The following CENPK variants were observed in gnomAD, a reference collection of about 807,000 sequenced individuals.
CENPK encodes SoxLZ/Sox6-binding protein Solt.
Under a neutral mutation model 40.9 loss-of-function variants are expected in CENPK, and 46 were observed. That is an observed-to-expected ratio of 1.13 (90% CI 0.89 to 1.44). The LOEUF is 1.44. CENPK is among the 40% of genes most tolerant of loss of function. The pLI is 0.00. For missense variants in CENPK, 288 were observed against 303.5 expected (o/e 0.95, Z 0.38); for synonymous variants, 107 against 104.4 (o/e 1.02, Z -0.15).
intron 2 of CENPK, among the ~76,000 whole-genome samples, chr5:65,557,787 C>T (rs1751241755): frequency 6.6e-6 from 1 of 152,094 alleles, no homozygotes; most frequent in African/African-American, 2.4e-5. Context: ...TTTATCACAA[C>T]AATTTTCTTG....
intron 6 of CENPK, among the ~76,000 whole-genome samples, chr5:65,531,369 C>T (rs1197553114): frequency 6.7e-6 from 1 of 149,404 alleles, no homozygotes; most frequent in Non-Finnish European, 1.5e-5. Context: ...ATTATTATAA[C>T]TGAATAGAAA....
intron 6 of CENPK, 45 bp downstream of exon 6, chr5:65,542,757 G>A (rs6891597): frequency 0.38 from 546,653 of 1,426,214 alleles, 108,023 homozygotes; most frequent in East Asian, 0.65. Context: ...AATAGATCTA[G>A]TTAGAAATTA....
At chr5:65,541,105 G>C (rs980566181) in intron 6 of CENPK, among the ~76,000 whole-genome samples, 2 of 152,272 alleles carry the variant, frequency 1.3e-5, no homozygotes, top group East Asian at 3.9e-4. Context: ...TTACAGGTGT[G>C]AGCCACCATG....
chr5:65,512,337 T>A, the CENPK span, among the ~76,000 whole-genome samples: 1 of 152,328 alleles, frequency 6.6e-6, no homozygotes, highest in East Asian at 1.9e-4. Flanking sequence ...CTACTGTGGG[T>A]AGAAACCTAT....
chr5:65,561,506 G>A lies in CENPK; in HGVS notation c.-83C>T, dbSNP rs1173365559. 1.3e-5 allele frequency: 6 copies of A among 455,620 alleles called. No individual in the cohort carries two copies. The highest frequency in any genetic ancestry group is 2.6e-5 in the Non-Finnish European group (6 of 226,702). 28.2% of individuals were successfully genotyped at this position (455,620 alleles called of 1,614,324 possible). On this transcript the variant is annotated 5_prime_UTR_variant, in exon 2 of 11. Transcript: ENST00000396679. ...GTAAGCTGTATGTAACCTGGAAGAG[G>A]GTCATCAACAGAACCAGAAAATGAT... is the stretch of plus-strand genomic sequence containing the variant.
downstream of CENPK, among the ~76,000 whole-genome samples, chr5:65,514,944 T>C (rs949677385): frequency 5.1e-5 from 7 of 138,016 alleles, no homozygotes; most frequent in East Asian, 2.5e-4. Context: ...GTAATTTTTG[T>C]TTTTTCTTTT....
At chr5:65,502,881 C>T in the CENPK span, among the ~76,000 whole-genome samples, 125 of 152,162 alleles carry the variant, frequency 8.2e-4, no homozygotes, top group African/African-American at 2.4e-3. Flanking sequence ...GCTCGGCTCA[C>T]GGCAACCTCC....
At chr5:65,543,010 G>A (rs1748248609) in intron 5 of CENPK, among the ~76,000 whole-genome samples, 162 bp from the exon 6 acceptor site, 1 of 151,914 alleles carries the variant, frequency 6.6e-6, no homozygotes, top group African/African-American at 2.4e-5. Flanking sequence ...TGTCACCCAG[G>A]CTGCAGTGCA....
At chr5:65,544,081 C>A (rs1748469689) in intron 5 of CENPK, among the ~76,000 whole-genome samples, 1 of 152,120 alleles carries the variant, frequency 6.6e-6, no homozygotes, top group African/African-American at 2.4e-5. Flanking sequence ...TCTAGAAAGC[C>A]TTCTAACAGG....
chr5:65,521,298 G>A (rs777369414), intron 10 of CENPK, among the ~76,000 whole-genome samples, 177 bp downstream of exon 10: 20 of 152,160 alleles, frequency 1.3e-4, no homozygotes, highest in Non-Finnish European at 2.4e-4. Flanking sequence ...TCTCAGTACT[G>A]TACAGGGAAC....
the CENPK span, among the ~76,000 whole-genome samples, chr5:65,510,147 C>A: frequency 6.6e-6 from 1 of 152,160 alleles, no homozygotes; most frequent in Admixed American, 6.5e-5. Flanking sequence ...AAGAATTAAT[C>A]TTTGTGAAAA....
chr5:65,522,852 T>C (rs1744028410), intron 9 of CENPK, among the ~76,000 whole-genome samples: 1 of 152,246 alleles, frequency 6.6e-6, no homozygotes, highest in African/African-American at 2.4e-5. Context: ...AGGTGTGATT[T>C]GACTACCAAA....
intron 2 of CENPK, 194 bp downstream of exon 2, chr5:65,561,269 C>G (rs987006709): frequency 4.5e-6 from 1 of 221,128 alleles, no homozygotes; most frequent in African/African-American, 2.3e-5. Context: ...TATTTTTAAG[C>G]GAAAAAGTCA....
chr5:65,503,359 G>C, the CENPK span, among the ~76,000 whole-genome samples: 1 of 152,026 alleles, frequency 6.6e-6, no homozygotes, highest in Non-Finnish European at 1.5e-5. Context: ...CGCCTGCCTC[G>C]GCCTCCCAGA....
At chr5:65,548,238 AGTT>A (rs1413592296) in intron 5 of CENPK, among the ~76,000 whole-genome samples, 1 of 152,224 alleles carries the variant, frequency 6.6e-6, no homozygotes, top group African/African-American at 2.4e-5. Context: ...TGCATATAAA[AGTT>A]GTTTACATTA....
At chr5:65,535,768 G>C (rs1307342952) in intron 6 of CENPK, among the ~76,000 whole-genome samples, 1 of 152,192 alleles carries the variant, frequency 6.6e-6, no homozygotes, top group Non-Finnish European at 1.5e-5. Context: ...TCTGAGTCCA[G>C]TGAGTCTATC....
chr5:65,539,958 GC>G (rs1270196618), intron 6 of CENPK, among the ~76,000 whole-genome samples: 1 of 152,158 alleles, frequency 6.6e-6, no homozygotes, highest in Non-Finnish European at 1.5e-5. Flanking sequence ...TTCATGCTAG[GC>G]AGTATGGCCC....
At chr5:65,559,871 T>A (rs1561705038) in intron 2 of CENPK, among the ~76,000 whole-genome samples, 2 of 151,784 alleles carry the variant, frequency 1.3e-5, no homozygotes, top group Non-Finnish European at 2.9e-5. Context: ...GAGAAAAAAA[T>A]AATCCAAATA....
intron 5 of CENPK, among the ~76,000 whole-genome samples, chr5:65,544,629 G>C (rs1221021616): frequency 2.0e-5 from 3 of 152,100 alleles, no homozygotes; most frequent in Non-Finnish European, 4.4e-5. Flanking sequence ...TGAAGCAACC[G>C]AAGTTTCCGT....
Sources: allele counts gnomAD v4.1 joint callset (sites outside exome capture counted in the v4.1 genomes callset), GRCh38; gene constraint gnomAD v4.1.1; transcripts MANE v1.5; gene names NCBI Gene and HGNC (gene_info 2026-07-23, HGNC 2026-07-21).